Variants in CSMD2 observed in about 807,000 individuals in gnomAD.
CSMD2 encodes CUB and sushi domain-containing protein 2.
A neutral mutation model predicts 398.5 loss-of-function variants in CSMD2; 130 were observed. That is an observed-to-expected ratio of 0.33 (90% CI 0.28 to 0.38). The LOEUF is 0.38. CSMD2 is among the 10% of genes least tolerant of loss of function. The pLI is 1.00. For missense variants in CSMD2, 3,829 were observed against 4,764.9 expected (o/e 0.80, Z 5.78); for synonymous variants, 1,828 against 1,908.5 (o/e 0.96, Z 1.10).
At chr1:33,991,440 G>A (rs573100572) in intron 3 of CSMD2, among the ~76,000 whole-genome samples, 15 of 152,306 alleles carry the variant, frequency 9.8e-5, no homozygotes, top group South Asian at 4.1e-4. Flanking sequence ...ACATGAACTT[G>A]AAAGTGTGGG....
rs57068937 is a variant in CSMD2, at chr1:33,864,699, T to C, written c.921-17703A>G. 6,575 of 1,613,324 alleles carry C rather than the reference T, an allele frequency of 4.1e-3. 252 individuals carry two copies. In the African/African-American group the frequency reaches 0.077, roughly 19 times the overall value. On this transcript the variant is annotated intron_variant, in intron 5 of 70. Coordinates refer to ENST00000373381, the MANE Select transcript of CSMD2 (RefSeq NM_001281956.2). ...TAAACAATGTAATGCCAGGAAGAAG[T>C]ACCGAATGTCAGCTAGAAACCGGTG... is the stretch of plus-strand genomic sequence containing the variant.
chr1:34,026,865 A>G (rs765565382), intron 3 of CSMD2, among the ~76,000 whole-genome samples: 14 of 152,198 alleles, frequency 9.2e-5, no homozygotes, highest in Non-Finnish European at 1.8e-4. Flanking sequence ...TCGGAGTGAC[A>G]CATGGCAAGC....
intron 27 of CSMD2, among the ~76,000 whole-genome samples, chr1:33,655,894 C>A (rs183105698): frequency 6.6e-6 from 1 of 152,224 alleles, no homozygotes; most frequent in Non-Finnish European, 1.5e-5. Flanking sequence ...ACCCACTGCA[C>A]ATTTATTGCT....
rs866600915 is a variant in CSMD2 at position 33,982,666 on chromosome 1, G to A, written c.518-46712C>T. On this transcript the variant is annotated intron_variant, in intron 3 of 70. Transcript: ENST00000373381. ...AAGAGACTCCTGGAATAGGTTATAG[G>A]AGACCTGCCAGTTGGTGGAGGAAAG... Among the ~76,000 whole-genome samples, 18 of 152,334 alleles carry A rather than the reference G, an allele frequency of 1.2e-4. 1 individual carries two copies. Among genetic ancestry groups the A allele is most frequent in the Middle Eastern group, 6.8e-3 (2 of 294 alleles).
chr1:34,118,950 T>C (rs1065963), intron 1 of CSMD2, among the ~76,000 whole-genome samples: 60,647 of 152,024 alleles, frequency 0.4, 12,685 homozygotes, highest in East Asian at 0.68. Flanking sequence ...TATGGAATCT[T>C]AAAGGACCCC....
intron 2 of CSMD2, among the ~76,000 whole-genome samples, chr1:34,048,295 A>G (rs1254309688): frequency 1.3e-5 from 2 of 152,230 alleles, no homozygotes; most frequent in Non-Finnish European, 2.9e-5. Context: ...TCACCCATTT[A>G]GGAATGGAAA....
chr1:33,975,879 G>A (rs890925571), intron 3 of CSMD2, among the ~76,000 whole-genome samples: 2 of 152,092 alleles, frequency 1.3e-5, no homozygotes, highest in Admixed American at 6.5e-5. Flanking sequence ...TGTATTCCTC[G>A]CTCCCTCCAC....
At chr1:33,814,221 C>T (rs1288460255) in intron 9 of CSMD2, 2 of 152,322 alleles carry the variant, frequency 1.3e-5, no homozygotes, top group East Asian at 3.9e-4. Flanking sequence ...CATCAGTTGC[C>T]TAGAAGACAT....
intron 15 of CSMD2, among the ~76,000 whole-genome samples, chr1:33,729,211 T>C (rs1646641293): frequency 6.6e-6 from 1 of 152,190 alleles, no homozygotes; most frequent in African/African-American, 2.4e-5. Flanking sequence ...ACTCAGTGCA[T>C]ACATATCAAC....
At chr1:33,930,661 G>T (rs138363376) in intron 4 of CSMD2, among the ~76,000 whole-genome samples, 6 of 152,272 alleles carry the variant, frequency 3.9e-5, no homozygotes, top group Non-Finnish European at 5.9e-5. Context: ...ATAAATCAGA[G>T]GCCTGTTGCT....
intron 53 of CSMD2, among the ~76,000 whole-genome samples, chr1:33,564,682 C>T (rs1234924602): frequency 6.6e-6 from 1 of 152,198 alleles, no homozygotes; most frequent in East Asian, 1.9e-4. Context: ...GGACTACAAG[C>T]ACAAGCTACA....
chr1:33,919,646 A>G (rs897734007), intron 4 of CSMD2, among the ~76,000 whole-genome samples: 1 of 152,188 alleles, frequency 6.6e-6, no homozygotes, highest in African/African-American at 2.4e-5. Context: ...GGCCAGCACT[A>G]CAATGTGAAA....
At position 33,914,033 on chromosome 1, in the gene CSMD2, A is replaced by T. The variant is rs529427125; in HGVS notation, c.920+4061T>A. Among the ~76,000 whole-genome samples the T allele has an allele frequency of 8.5e-5, 13 of 152,256 alleles. No individual in the cohort carries two copies. The East Asian group carries it at 2.3e-3, about 27-fold the overall frequency. On this transcript the variant is annotated intron_variant, in intron 5 of 70. Transcript: ENST00000373381. ...GGACCTACATCCCCATATTGTTAAA[A>T]GGGTCTTCTGTATCCCCAGTCCCAG...
chr1:33,621,460 T>A (rs1641766384), intron 37 of CSMD2, among the ~76,000 whole-genome samples: 1 of 152,178 alleles, frequency 6.6e-6, no homozygotes, highest in South Asian at 2.1e-4. Flanking sequence ...GACTGACCCA[T>A]CTTAATCTTT....
chr1:33,731,154 C>T (rs1028142419), intron 15 of CSMD2, among the ~76,000 whole-genome samples: 1 of 152,090 alleles, frequency 6.6e-6, no homozygotes, highest in Non-Finnish European at 1.5e-5. Flanking sequence ...TAAAAATGTG[C>T]AACTTTGGAA....
At chr1:34,046,968 T>C (rs1253672652) in intron 2 of CSMD2, among the ~76,000 whole-genome samples, 1 of 152,124 alleles carries the variant, frequency 6.6e-6, no homozygotes, top group African/African-American at 2.4e-5. Context: ...TCCTAACCAG[T>C]CTTCCTACTT....
At chr1:33,741,028 T>C (rs549842921) in intron 14 of CSMD2, among the ~76,000 whole-genome samples, 34 of 152,274 alleles carry the variant, frequency 2.2e-4, no homozygotes, top group Middle Eastern at 3.4e-3. Context: ...GTGATGACTG[T>C]TGAGTGCTCA....
intron 1 of CSMD2, among the ~76,000 whole-genome samples, chr1:34,137,161 A>G (rs961063765): frequency 6.6e-6 from 1 of 151,434 alleles, no homozygotes; most frequent in Non-Finnish European, 1.5e-5. Context: ...ATCACCCACT[A>G]TCTCTATCCA....
Position 33,602,457 on chromosome 1 carries a change from A to G in CSMD2, c.6622T>C (p.Trp2208Arg), listed in dbSNP as rs200542087. The change falls in exon 43 of 71, where the codon TGG becomes CGG. Residue 2208 changes from tryptophan (W) to arginine (R), a missense_variant. By Grantham distance (101) the Trp-to-Arg change is moderately radical. Transcript: ENST00000373381. ...SPYSSSQDCV[W>R]LITVPIGHGV... ...TGGCCAATGGGCACGGTGATCAGCCAGACACAGTCCTGGGAGCTGGAGTAC... is the reference window on the plus strand; with the variant it reads ...TGGCCAATGGGCACGGTGATCAGCCGGACACAGTCCTGGGAGCTGGAGTAC... 6.2e-7 allele frequency: 1 copy of G among 1,614,050 alleles called. No individual in the cohort carries two copies.
Sources: gnomAD v4.1 joint callset for allele counts (sites outside exome capture counted in the v4.1 genomes callset) on GRCh38, gnomAD v4.1.1 for gene constraint, MANE v1.5 for transcripts, NCBI Gene and HGNC (gene_info 2026-07-23, HGNC 2026-07-21) for gene names.